Variants in ITPK1 observed in about 807,000 individuals in gnomAD.
The protein encoded by ITPK1 is inositol-tetrakisphosphate 1-kinase.
ITPK1 carries 21 observed loss-of-function variants against 45.3 expected under a neutral mutation model. That is an observed-to-expected ratio of 0.46 (90% CI 0.33 to 0.67). The LOEUF (loss-of-function observed/expected upper bound fraction) is 0.67, where lower values mean the gene tolerates loss of function less well. Among genes scored for constraint, ITPK1 ranks in the 30% least tolerant of loss-of-function variants. The probability of loss-of-function intolerance (pLI) is 0.02; values close to 1 mark genes in which losing one functional copy is unlikely to be tolerated. For missense variants in ITPK1, 474 were observed against 573.5 expected (o/e 0.83, Z 1.77); for synonymous variants, 258 against 253.6 (o/e 1.02, Z -0.16).
intron 3 of ITPK1, among the ~76,000 whole-genome samples, chr14:93,038,985 T>TG (rs1889438143): frequency 1.3e-5 from 2 of 152,258 alleles, no homozygotes; most frequent in African/African-American, 2.4e-5. Flanking sequence ...ACCTATTTCT[T>TG]GCTCAGTTTT....
chr14:93,085,045 A>G (rs1396233520), intron 2 of ITPK1, among the ~76,000 whole-genome samples: 1 of 152,162 alleles, frequency 6.6e-6, no homozygotes, highest in African/African-American at 2.4e-5. Context: ...ACACTCCCCG[A>G]GTGCTGCCGG....
At chr14:93,080,955 T>C (rs112552197) in intron 2 of ITPK1, among the ~76,000 whole-genome samples, 34,061 of 151,436 alleles carry the variant, frequency 0.22, 5,247 homozygotes, top group African/African-American at 0.44. Flanking sequence ...AGGCTGGTCT[T>C]GAACTCCTGA....
At chr14:92,995,664 G>A (rs1478555052) in intron 4 of ITPK1, among the ~76,000 whole-genome samples, 3 of 152,148 alleles carry the variant, frequency 2.0e-5, no homozygotes, top group Non-Finnish European at 4.4e-5. Context: ...TCCTCTCCCT[G>A]CACATAAGTG....
chr14:93,046,449 T>C (rs1255911026), intron 3 of ITPK1, among the ~76,000 whole-genome samples: 1 of 152,168 alleles, frequency 6.6e-6, no homozygotes, highest in Non-Finnish European at 1.5e-5. Flanking sequence ...TGAACCATGT[T>C]CCTGTCATAA....
At chr14:93,088,127 G>C (rs970980557) in intron 2 of ITPK1, among the ~76,000 whole-genome samples, 1 of 152,128 alleles carries the variant, frequency 6.6e-6, no homozygotes, top group Admixed American at 6.5e-5. Context: ...GCCTGAGCAC[G>C]ACCCAAATAA....
chr14:92,962,255 C>A, intron 7 of ITPK1, 100 bp downstream of exon 7: 1 of 875,720 alleles, frequency 1.1e-6, no homozygotes, highest in Non-Finnish European at 2.0e-6. Flanking sequence ...AACAGCAGGG[C>A]AGGAGCAGTG....
intron 7 of ITPK1, among the ~76,000 whole-genome samples, chr14:92,961,579 G>A (rs1885073657): frequency 6.6e-6 from 1 of 152,340 alleles, no homozygotes; most frequent in East Asian, 1.9e-4. Flanking sequence ...ACAGAGCCTT[G>A]TCAGAGCTAA....
At chr14:92,970,693 T>C (rs1885604050) in intron 5 of ITPK1, among the ~76,000 whole-genome samples, 1 of 151,926 alleles carries the variant, frequency 6.6e-6, no homozygotes, top group South Asian at 2.1e-4. Flanking sequence ...TGGAGTGCAG[T>C]GGCGCGATCT....
In ITPK1 at chr14:92,941,844, T is replaced by G. The variant is rs764471166; in HGVS notation, c.962A>C (p.Gln321Pro). The change falls in exon 11 of 11, where the codon CAG becomes CCG. Residue 321 changes from glutamine to proline, a missense_variant. Around this residue, in one of 2 missense-constraint regions of ITPK1, gnomAD observed 367 missense variants for 480.6 expected, o/e 0.76. Transcript: ENST00000267615. ...GGCTGCCATGGCTGTGCTCTGGCCC[T>G]GCAGGACAGTGGCGATGTGGTTCAG... ...DLLNHIATVL[Q>P]GQSTAMAATG... 8.1e-6 allele frequency: 13 copies of G among 1,612,332 alleles called. No individual in the cohort carries two copies. Among genetic ancestry groups the G allele is most frequent in the Non-Finnish European group, 1.0e-5 (12 of 1,179,822 alleles).
At chr14:92,947,083 T>C (rs1431653001) in intron 9 of ITPK1, among the ~76,000 whole-genome samples, 1 of 152,126 alleles carries the variant, frequency 6.6e-6, no homozygotes, top group African/African-American at 2.4e-5. Flanking sequence ...CGGGCACAAG[T>C]GAGGAGTTCT....
At chr14:93,078,786 T>C (rs1891325831) in intron 2 of ITPK1, among the ~76,000 whole-genome samples, 1 of 150,768 alleles carries the variant, frequency 6.6e-6, no homozygotes, top group Non-Finnish European at 1.5e-5. Context: ...ATCCTGCCCC[T>C]CCCCCCGCAG....
At chr14:92,961,179 C>T (rs1274701596) in intron 7 of ITPK1, among the ~76,000 whole-genome samples, 1 of 152,252 alleles carries the variant, frequency 6.6e-6, no homozygotes, top group East Asian at 1.9e-4. Context: ...GGTCAGATGC[C>T]TGTTGCCCAG....
chr14:92,938,555 G>C lies in ITPK1; in HGVS notation c.*3006C>G, dbSNP rs1382875238. On this transcript the variant is annotated 3_prime_UTR_variant, in exon 11 of 11. Transcript: ENST00000267615. ...GGTACAGAGAGGAATGTTTTTCCCA[G>C]GTTGCTTTCTCCTTTATTGACAGGC... The C allele has an allele frequency of 2.5e-6, 4 of 1,601,134 alleles. No individual in the cohort carries two copies. The highest frequency in any genetic ancestry group is 1.3e-5 in the African/African-American group (1 of 74,676).
At chr14:93,115,344 G>A (rs1444589456) in intron 1 of ITPK1, 39 bp from the exon 2 acceptor site, 5 of 259,488 alleles carry the variant, frequency 1.9e-5, no homozygotes, top group Non-Finnish European at 3.6e-5. Flanking sequence ...CGCGGCGGGC[G>A]GCCGGGAGGA....
At chr14:92,972,617 C>A (rs1170474943) in intron 5 of ITPK1, among the ~76,000 whole-genome samples, 1 of 152,228 alleles carries the variant, frequency 6.6e-6, no homozygotes, top group Non-Finnish European at 1.5e-5. Flanking sequence ...GAGACAGAGT[C>A]TCACTCTGTC....
intron 2 of ITPK1, among the ~76,000 whole-genome samples, chr14:93,089,524 G>C (rs1187688711): frequency 6.6e-6 from 1 of 152,178 alleles, no homozygotes. Context: ...CCACAGGCAG[G>C]GAAGAGAGGC....
At chr14:93,001,339 GC>G (rs1887344597) in intron 4 of ITPK1, among the ~76,000 whole-genome samples, 2 of 152,190 alleles carry the variant, frequency 1.3e-5, no homozygotes, top group South Asian at 4.1e-4. Flanking sequence ...GCAAGCACAG[GC>G]CTGAAAGTCA....
intron 3 of ITPK1, among the ~76,000 whole-genome samples, chr14:93,047,630 G>C (rs1288434186): frequency 6.6e-6 from 1 of 152,204 alleles, no homozygotes; most frequent in Non-Finnish European, 1.5e-5. Flanking sequence ...CCTCCCTTCG[G>C]GGCTTCAGAC....
chr14:92,947,384 T>G (rs1887740156), intron 9 of ITPK1, among the ~76,000 whole-genome samples: 1 of 152,208 alleles, frequency 6.6e-6, no homozygotes, highest in African/African-American at 2.4e-5. Flanking sequence ...CTGTCGCAGC[T>G]GGCCTGGGAC....
Sources: gnomAD v4.1 joint callset for allele counts (sites outside exome capture counted in the v4.1 genomes callset) on GRCh38, gnomAD v4.1.1 for gene constraint, gnomAD v4.1.1 regional missense constraint, MANE v1.5 for transcripts, NCBI Gene and HGNC (gene_info 2026-07-23, HGNC 2026-07-21) for gene names.